DLG2: variants seen among roughly 807,000 people sequenced by gnomAD.
DLG2 encodes the protein discs large MAGUK scaffold protein 2.
DLG2 carries 45 observed loss-of-function variants against 132.5 expected under a neutral mutation model. The ratio of observed to expected loss-of-function variants is 0.34; its 90% CI spans 0.27 to 0.44. DLG2 has a LOEUF of 0.44. DLG2 is among the 20% of genes least tolerant of loss of function. The pLI is 1.00. For synonymous variants in DLG2, 424 were observed against 419.6 expected (o/e 1.01, Z -0.13); for missense variants, 1,045 against 1,196.9 (o/e 0.87, Z 1.87).
At chr11:85,468,830 T>G (rs191180810) in intron 3 of DLG2, among the ~76,000 whole-genome samples, 1 of 152,030 alleles carries the variant, frequency 6.6e-6, no homozygotes, top group Non-Finnish European at 1.5e-5. Flanking sequence ...TAATTTTTTT[T>G]AAATATTTAT....
intron 11 of DLG2, among the ~76,000 whole-genome samples, chr11:84,034,700 C>T (rs2095813135): frequency 1.3e-5 from 2 of 152,106 alleles, no homozygotes; most frequent in South Asian, 4.1e-4. Context: ...TATCCATCAT[C>T]TGATAGGAGA....
chr11:83,960,118 T>A (rs1246335387), intron 14 of DLG2, among the ~76,000 whole-genome samples: 1 of 152,048 alleles, frequency 6.6e-6, no homozygotes, highest in Non-Finnish European at 1.5e-5. Context: ...GCACAATCTA[T>A]CCCACTACCA....
rs200142452 is a variant in DLG2 at position 85,220,638 on chromosome 11, AT to A, written c.186+64581del. On this transcript the variant is annotated intron_variant, in intron 4 of 27. Coordinates refer to ENST00000376104, the MANE Select transcript of DLG2 (RefSeq NM_001142699.3). ...TTTATTATATCAAATAGAAAAAAAA[AT>A]ATATATATATATATAACTTTATTTC... is the stretch of plus-strand genomic sequence containing the variant. 7.6e-3 allele frequency among the ~76,000 whole-genome samples: 1,030 copies of A among 134,732 alleles called. 10 individuals carry two copies. Among genetic ancestry groups the A allele is most frequent in the African/African-American group, 0.016 (553 of 35,404 alleles). 88.4% of individuals were successfully genotyped at this position (134,732 alleles called of 152,430 possible). A position where few individuals can be genotyped will look rare whatever the true frequency, so the allele number is the denominator to read the frequency against.
At position 84,821,286 on chromosome 11, in the gene DLG2, G is replaced by A. The variant is rs190045552; in HGVS notation, c.358-286555C>T. 7.1e-4 allele frequency among the ~76,000 whole-genome samples: 108 copies of A among 151,790 alleles called. 1 individual carries two copies. In the East Asian group the frequency reaches 0.02, roughly 28 times the overall value. ...CATGAATATAAAGAACTCTGATCAT[G>A]ATCTGTACTAGGGGCCAAAAAACTT... On this transcript the variant is annotated intron_variant, in intron 6 of 27. Coordinates refer to ENST00000376104, the MANE Select transcript of DLG2 (RefSeq NM_001142699.3).
intron 15 of DLG2, among the ~76,000 whole-genome samples, chr11:83,917,991 C>T (rs139397122): frequency 2.5e-4 from 38 of 152,170 alleles, no homozygotes; most frequent in African/African-American, 7.9e-4. Context: ...TTGCAAGTCC[C>T]CTTAGTAGCT....
intron 3 of DLG2, among the ~76,000 whole-genome samples, chr11:85,301,620 G>A (rs898085107): frequency 5.9e-5 from 9 of 152,160 alleles, no homozygotes; most frequent in African/African-American, 1.9e-4. Flanking sequence ...TAAGGCTGGT[G>A]AACTAAGGTG....
chr11:85,426,568 T>C (rs1273194370), intron 3 of DLG2, among the ~76,000 whole-genome samples: 2 of 150,442 alleles, frequency 1.3e-5, no homozygotes, highest in Non-Finnish European at 2.9e-5. Flanking sequence ...CTGAGGGTCC[T>C]GATTGTTAGA....
At chr11:84,502,544 C>T (rs567838702) in intron 7 of DLG2, among the ~76,000 whole-genome samples, 80 of 150,768 alleles carry the variant, frequency 5.3e-4, no homozygotes, top group Admixed American at 1.1e-3. Context: ...TACAGGGTCC[C>T]GCCACCATAC....
chr11:84,385,468 A>G (rs1279081445), intron 7 of DLG2, among the ~76,000 whole-genome samples: 1 of 152,110 alleles, frequency 6.6e-6, no homozygotes, highest in Non-Finnish European at 1.5e-5. Context: ...CTTTGATAGT[A>G]TTTGAATTGA....
At chr11:84,564,795 T>A (rs1393018556) in intron 6 of DLG2, among the ~76,000 whole-genome samples, 2 of 152,198 alleles carry the variant, frequency 1.3e-5, no homozygotes, top group African/African-American at 2.4e-5. Context: ...CCACCTGGTG[T>A]CAGCTACCTG....
chr11:84,985,508 C>T (rs768226978), intron 6 of DLG2, among the ~76,000 whole-genome samples: 7 of 151,868 alleles, frequency 4.6e-5, no homozygotes, highest in Non-Finnish European at 8.8e-5. Context: ...TAGCCCTAAA[C>T]GACTACATCA....
chr11:84,818,647 T>G (rs2077330527), intron 6 of DLG2, among the ~76,000 whole-genome samples: 1 of 151,940 alleles, frequency 6.6e-6, no homozygotes, highest in Non-Finnish European at 1.5e-5. Context: ...GCTCTTTTTC[T>G]TAAAGTTTTC....
In DLG2 at chr11:84,449,477, AT is replaced by A. The variant is rs1205077235; in HGVS notation, c.519+85092del. ...AAAGGTGTAATAGCATCATCTTGTT[AT>A]ATACTTCATGGCTAACTAGATAGAA... On this transcript the variant is annotated intron_variant, in intron 7 of 27. Transcript: ENST00000376104. Among the ~76,000 whole-genome samples the A allele has an allele frequency of 2.0e-5, 3 of 151,844 alleles. No homozygotes were observed. In the South Asian group the frequency reaches 6.2e-4, roughly 32 times the overall value.
intron 6 of DLG2, among the ~76,000 whole-genome samples, chr11:84,631,018 T>TCTCTCTCTCACA (rs1217703556): frequency 2.1e-5 from 2 of 94,262 alleles, no homozygotes; most frequent in African/African-American, 4.6e-5. Context: ...TCTCTCTCTC[T>TCTCTCTCTCACA]CACACACACA....
At chr11:83,715,712 G>T (rs892835779) in intron 18 of DLG2, among the ~76,000 whole-genome samples, 15 of 152,072 alleles carry the variant, frequency 9.9e-5, no homozygotes, top group Admixed American at 2.0e-4. Flanking sequence ...TCTGATTCAG[G>T]TCCTTCCTAG....
chr11:84,810,410 C>T (rs182374797), intron 6 of DLG2, among the ~76,000 whole-genome samples: 15 of 152,168 alleles, frequency 9.9e-5, no homozygotes, highest in Admixed American at 7.9e-4. Flanking sequence ...TAATTAGACA[C>T]TAAGGACATG....
At chr11:83,574,725 T>C (rs1476111154) in intron 19 of DLG2, among the ~76,000 whole-genome samples, 4 of 152,062 alleles carry the variant, frequency 2.6e-5, no homozygotes, top group African/African-American at 7.2e-5. Flanking sequence ...ATCAGAACTG[T>C]TGTTTCCAAG....
chr11:84,019,281 C>A lies in DLG2; in HGVS notation c.920-38639G>T, dbSNP rs80025725. Among the ~76,000 whole-genome samples the A allele has an allele frequency of 4.9e-3, 750 of 151,872 alleles. 3 individuals carry two copies. Among genetic ancestry groups the A allele is most frequent in the African/African-American group, 0.018 (730 of 41,432 alleles). The stretch of plus-strand genomic sequence containing the variant: ...ATTTCCAGGAGTTTGAGCTCTTAAC[C>A]AGGATATTAAAGGAAAGGGTGATTC... On this transcript the variant is annotated intron_variant, in intron 11 of 27. Coordinates refer to ENST00000376104, the MANE Select transcript of DLG2 (RefSeq NM_001142699.3).
At chr11:84,779,625 A>T (rs1237975553) in intron 6 of DLG2, among the ~76,000 whole-genome samples, 1 of 152,274 alleles carries the variant, frequency 6.6e-6, no homozygotes, top group Admixed American at 6.5e-5. Flanking sequence ...CAAAACTGAT[A>T]AACTTCTAGC....
Sources: gnomAD v4.1 joint callset for allele counts (sites outside exome capture counted in the v4.1 genomes callset) on GRCh38, gnomAD v4.1.1 for gene constraint, MANE v1.5 for transcripts, NCBI Gene and HGNC (gene_info 2026-07-23, HGNC 2026-07-21) for gene names.